The following GLDC variants were observed in gnomAD, a reference collection of about 807,000 sequenced individuals.
The protein encoded by GLDC is glycine decarboxylase.
A neutral mutation model predicts 121.3 loss-of-function variants in GLDC; 104 were observed. That is an observed-to-expected ratio of 0.86 (90% confidence interval 0.73 to 1.01). The LOEUF is 1.01. Among genes scored for constraint, GLDC ranks in the 50% least tolerant of loss-of-function variants. The pLI is 0.00. For synonymous variants in GLDC, 546 were observed against 480.6 expected (o/e 1.14, Z -1.78); for missense variants, 1,429 against 1,306.6 (o/e 1.09, Z -1.44).
At chr9:6,549,853 TG>T (rs933538758) in intron 21 of GLDC, among the ~76,000 whole-genome samples, 1 of 152,144 alleles carries the variant, frequency 6.6e-6, no homozygotes. Context: ...TCTTAATGAT[TG>T]TAACGGTCTC....
At chr9:6,562,353 G>A (rs1382694243) in intron 16 of GLDC, among the ~76,000 whole-genome samples, 1 of 152,120 alleles carries the variant, frequency 6.6e-6, no homozygotes. Context: ...AGGAGCCCAG[G>A]CACTTCTGTA....
Position 6,550,734 on chromosome 9 carries a change from G to A in GLDC, c.2569+69C>T, listed in dbSNP as rs34948145. On this transcript the variant is annotated intron_variant, in intron 21 of 24. Transcript: ENST00000321612. ...AGTCTCTTGCCCATGTCAGAAAAGC[G>A]CATCTAGGTCAAACTTAGTTTGGCC... is the stretch of plus-strand genomic sequence containing the variant. The A allele has an allele frequency of 2.0e-5, 18 of 897,230 alleles. No individual in the cohort carries two copies. In the Admixed American group the frequency reaches 2.2e-4, roughly 11 times the overall value. The allele number at this position is 897,230 out of a possible 1,614,324, so 55.6% of individuals were successfully genotyped here. A position where few individuals can be genotyped will look rare whatever the true frequency, so the allele number is the denominator to read the frequency against.
chr9:6,546,199 T>A (rs1432559077), intron 21 of GLDC, among the ~76,000 whole-genome samples: 1 of 151,694 alleles, frequency 6.6e-6, no homozygotes, highest in Non-Finnish European at 1.5e-5. Context: ...CACCTCCTCA[T>A]CTTTTTTTTT....
chr9:6,543,450 T>C (rs1817313108), intron 21 of GLDC, among the ~76,000 whole-genome samples: 1 of 152,074 alleles, frequency 6.6e-6, no homozygotes, highest in African/African-American at 2.4e-5. Flanking sequence ...GGTTCAGTAA[T>C]AGCTGAAAGG....
At chr9:6,594,655 A>C (rs1261300895) in intron 9 of GLDC, among the ~76,000 whole-genome samples, 1 of 152,176 alleles carries the variant, frequency 6.6e-6, no homozygotes, top group Non-Finnish European at 1.5e-5. Flanking sequence ...AGATCGTGCC[A>C]CTGCACTCCA....
Position 6,592,920 on chromosome 9 carries a change from G to A in GLDC, c.1332C>T (p.Cys444=), listed in dbSNP as rs781050148. 10 of 1,613,892 alleles carry A rather than the reference G, an allele frequency of 6.2e-6. No individual in the cohort carries two copies. The East Asian group carries it at 1.1e-4, about 18-fold the overall frequency. The change falls in exon 10 of 25, where the codon TGC becomes TGT. Residue 444 remains cysteine (C), a synonymous_variant. Transcript: ENST00000321612. The part of the protein sequence containing the change: ...FFDTLKIQCG[C]SVKEVLGRAA... ...CCCTGCCCAAGACCTCCTTCACTGA[G>A]CAGCCACACTGAATCTTCAAGGTAT...
At position 6,610,238 on chromosome 9, in the gene GLDC, G is replaced by C. The variant is rs1461615694; in HGVS notation, c.589C>G (p.Leu197Val). Residue 197 changes from leucine (L) to valine (V), a missense_variant, in exon 4 of 25, where the codon CTG becomes GTG. By Grantham distance (32) the Leu-to-Val change is conservative (BLOSUM62 1). Transcript: ENST00000321612. ...TCTGCGGCTGCAGTCCCCTCATCCAGCAGGGATGCATTGGCCATGTCCAGG... is the reference window on the plus strand; with the variant it reads ...TCTGCGGCTGCAGTCCCCTCATCCACCAGGGATGCATTGGCCATGTCCAGG... Reference protein sequence around the residue: ...TGLDMANASLLDEGTAAAEAL... With the variant: ...TGLDMANASLVDEGTAAAEAL... 3.1e-6 allele frequency: 5 copies of C among 1,613,718 alleles called. No individual in the cohort carries two copies. Among genetic ancestry groups the C allele is most frequent in the Non-Finnish European group, 4.2e-6 (5 of 1,179,862 alleles).
intron 3 of GLDC, among the ~76,000 whole-genome samples, chr9:6,616,071 C>T (rs1818962190): frequency 5.9e-5 from 9 of 152,140 alleles, no homozygotes; most frequent in Admixed American, 5.9e-4. Flanking sequence ...GGAGCTGGGA[C>T]CACAGGCACA....
intron 15 of GLDC, 162 bp from the exon 16 acceptor site, chr9:6,565,591 G>T (rs770567453): frequency 5.7e-6 from 4 of 702,184 alleles, no homozygotes; most frequent in South Asian, 1.5e-5. Context: ...GGAGTCAAAA[G>T]GTCTTGAACA....
intron 3 of GLDC, 117 bp downstream of exon 3, chr9:6,620,067 C>G: frequency 1.0e-6 from 1 of 971,240 alleles, no homozygotes; most frequent in Non-Finnish European, 1.7e-6. Context: ...ACATTGGAGA[C>G]AGCACTAGGA....
chr9:6,619,386 T>A (rs1819034535), intron 3 of GLDC, among the ~76,000 whole-genome samples: 1 of 151,984 alleles, frequency 6.6e-6, no homozygotes, highest in African/African-American at 2.4e-5. Context: ...ATCAAAAATT[T>A]TGGGGGTGGG....
rs370199622 is a variant in GLDC at position 6,613,650 on chromosome 9, G to A, written c.471-3294C>T. On this transcript the variant is annotated intron_variant, in intron 3 of 24. Transcript: ENST00000321612. ...AGGTAAATCTTGATTTATTTAACGA[G>A]TTCCTTCCAGTTGAATACTTTTGAT... Among the ~76,000 whole-genome samples the A allele has an allele frequency of 2.6e-5, 4 of 152,198 alleles. No homozygotes were observed. In the South Asian group the frequency reaches 8.3e-4, roughly 32 times the overall value.
intron 8 of GLDC, among the ~76,000 whole-genome samples, chr9:6,599,427 A>G (rs1421822770): frequency 6.6e-6 from 1 of 152,054 alleles, no homozygotes; most frequent in Non-Finnish European, 1.5e-5. Context: ...GCCACCATAT[A>G]AAGATCACCA....
chr9:6,575,895 C>A (rs1818055253), intron 15 of GLDC, among the ~76,000 whole-genome samples: 1 of 152,120 alleles, frequency 6.6e-6, no homozygotes, highest in African/African-American at 2.4e-5. Flanking sequence ...CCGCTGGGCT[C>A]AGTGGGAAAT....
chr9:6,553,834 T>C (rs567206191), intron 19 of GLDC, among the ~76,000 whole-genome samples: 2 of 152,076 alleles, frequency 1.3e-5, no homozygotes, highest in Non-Finnish European at 2.9e-5. Context: ...CTATACACTT[T>C]CCCAAGATGG....
chr9:6,612,253 T>TCTCA (rs1554648951), intron 3 of GLDC, among the ~76,000 whole-genome samples: 32 of 150,002 alleles, frequency 2.1e-4, no homozygotes, highest in African/African-American at 6.9e-4. Context: ...TCTCTCTCTC[T>TCTCA]CACACACACT....
chr9:6,614,553 C>CTT (rs58682628), intron 3 of GLDC, among the ~76,000 whole-genome samples: 7 of 139,312 alleles, frequency 5.0e-5, no homozygotes, highest in African/African-American at 7.9e-5. Context: ...GGGTTTCAAT[C>CTT]TTTTTTTTTT....
chr9:6,540,456 G>A, intron 21 of GLDC: 1 of 379,306 alleles, frequency 2.6e-6, no homozygotes, highest in Non-Finnish European at 5.0e-6. Context: ...GTCTGGGGAT[G>A]AGATTATTTC....
At chr9:6,586,377 G>A (rs532754245) in intron 15 of GLDC, among the ~76,000 whole-genome samples, 5 of 152,282 alleles carry the variant, frequency 3.3e-5, no homozygotes, top group South Asian at 4.1e-4. Context: ...CGTCTGGAGC[G>A]GGGCCCGGAG....
Sources: gnomAD v4.1 joint callset for allele counts (sites outside exome capture counted in the v4.1 genomes callset) on GRCh38, gnomAD v4.1.1 for gene constraint, MANE v1.5 for transcripts, NCBI Gene and HGNC (gene_info 2026-07-23, HGNC 2026-07-21) for gene names.